NAV2: variants seen among roughly 807,000 people sequenced by gnomAD.
The protein encoded by NAV2 is neuron navigator 2.
Under a neutral mutation model 223.2 loss-of-function variants are expected in NAV2, and 54 were observed. The observed-to-expected ratio is 0.24, with a 90% CI of 0.19 to 0.30. NAV2 has a LOEUF of 0.30. Ranked by LOEUF, NAV2 falls within the 10% of genes least tolerant of loss-of-function variation. The pLI is 1.00. For synonymous variants in NAV2, 1,279 were observed against 1,239.3 expected, an observed-to-expected ratio of 1.03 and a Z score of -0.67; for missense variants, 2,806 against 3,147.5, an observed-to-expected ratio of 0.89 and a Z score of 2.60.
At chr11:20,088,711 T>C (rs2060618742) in intron 26 of NAV2, among the ~76,000 whole-genome samples, 1 of 152,304 alleles carries the variant, frequency 6.6e-6, no homozygotes, top group African/African-American at 2.4e-5. Context: ...GAAGGTATTT[T>C]CTCTCTTGCT....
intron 20 of NAV2, among the ~76,000 whole-genome samples, chr11:20,064,229 T>G (rs1564966024): frequency 6.6e-6 from 1 of 152,200 alleles, no homozygotes; most frequent in African/African-American, 2.4e-5. Flanking sequence ...CCAAGGCTGG[T>G]ACTTTCAAAC....
At chr11:20,051,357 C>T in intron 17 of NAV2, 24 bp downstream of exon 17, 2 of 1,610,800 alleles carry the variant, frequency 1.2e-6, no homozygotes, top group Non-Finnish European at 1.7e-6. Context: ...CTCCTTGCAT[C>T]TGTGCCATCT....
At chr11:19,597,093 T>C (rs1294389835) in intron 1 of NAV2, among the ~76,000 whole-genome samples, 1 of 152,242 alleles carries the variant, frequency 6.6e-6, no homozygotes, top group Non-Finnish European at 1.5e-5. Context: ...GGCTTCACTC[T>C]GCTCAGCAAC....
intron 1 of NAV2, among the ~76,000 whole-genome samples, chr11:19,783,613 C>T (rs1490898415): frequency 1.3e-5 from 2 of 152,172 alleles, no homozygotes; most frequent in African/African-American, 4.8e-5. Context: ...TGAACAGTGG[C>T]TTCATGCATA....
chr11:19,449,084 C>T (rs574501488), intron 1 of NAV2, among the ~76,000 whole-genome samples: 2 of 152,090 alleles, frequency 1.3e-5, no homozygotes, highest in South Asian at 2.1e-4. Context: ...TGAAATTGAG[C>T]GATTATTTTT....
chr11:19,865,771 A>AT (rs200030158), intron 3 of NAV2, among the ~76,000 whole-genome samples: 4,265 of 150,536 alleles, frequency 0.028, 203 homozygotes, highest in African/African-American at 0.1. Flanking sequence ...GGCTCCCTGT[A>AT]TTTCATCTCT....
At chr11:19,760,855 G>T (rs546276287) in intron 1 of NAV2, among the ~76,000 whole-genome samples, 211 of 152,326 alleles carry the variant, frequency 1.4e-3, no homozygotes, top group Admixed American at 4.0e-3. Flanking sequence ...AGCAATATTT[G>T]CTTGTGAGTT....
intron 1 of NAV2, among the ~76,000 whole-genome samples, chr11:19,374,201 TATGTATCA>T (rs1848564346): frequency 6.6e-6 from 1 of 152,178 alleles, no homozygotes; most frequent in Non-Finnish European, 1.5e-5. Context: ...TGTTTTTCAC[TATGTATCA>T]ATGAACTTGG....
intron 1 of NAV2, among the ~76,000 whole-genome samples, chr11:19,660,994 T>C (rs1017077716): frequency 1.3e-5 from 2 of 152,220 alleles, no homozygotes; most frequent in African/African-American, 4.8e-5. Context: ...TTCAGTGGCA[T>C]GAAGTACATT....
chr11:19,612,542 A>T (rs955203119), intron 1 of NAV2, among the ~76,000 whole-genome samples: 2 of 152,182 alleles, frequency 1.3e-5, no homozygotes, highest in Non-Finnish European at 2.9e-5. Flanking sequence ...ACCCTAAATC[A>T]TCTCTCTCAA....
chr11:20,027,283 A>G (rs1259864355), intron 11 of NAV2: 14 of 984,654 alleles, frequency 1.4e-5, no homozygotes, highest in Non-Finnish European at 1.6e-5. Context: ...ATCCACACCA[A>G]AGGATCTCGT....
chr11:19,493,538 A>T (rs1457471996), intron 1 of NAV2, among the ~76,000 whole-genome samples: 1 of 152,224 alleles, frequency 6.6e-6, no homozygotes, highest in Non-Finnish European at 1.5e-5. Flanking sequence ...ATTATAAAAA[A>T]GCTCGGCATC....
chr11:19,658,465 C>T (rs10833147), intron 1 of NAV2, among the ~76,000 whole-genome samples: 110,083 of 152,054 alleles, frequency 0.72, 44,843 homozygotes, highest in Non-Finnish European at 0.9. Flanking sequence ...AAAATGCTGA[C>T]GGGGTCTTTG....
At chr11:19,927,424 A>G (rs1163859781) in intron 6 of NAV2, among the ~76,000 whole-genome samples, 2 of 152,230 alleles carry the variant, frequency 1.3e-5, no homozygotes, top group Non-Finnish European at 2.9e-5. Context: ...TCTACTAAGA[A>G]TACAAAAATT....
At chr11:19,892,010 G>C (rs944435681) in intron 5 of NAV2, among the ~76,000 whole-genome samples, 4 of 152,134 alleles carry the variant, frequency 2.6e-5, no homozygotes, top group African/African-American at 9.7e-5. Flanking sequence ...CCAGGCTGGA[G>C]TGCAATGGCG....
At chr11:19,366,463 A>G (rs1848285115) in intron 1 of NAV2, among the ~76,000 whole-genome samples, 1 of 152,140 alleles carries the variant, frequency 6.6e-6, no homozygotes, top group Non-Finnish European at 1.5e-5. Flanking sequence ...GCTAGTTTGC[A>G]GATGAAGGGT....
chr11:19,615,826 G>A (rs7101427), intron 1 of NAV2, among the ~76,000 whole-genome samples: 2,065 of 152,280 alleles, frequency 0.014, 49 homozygotes, highest in African/African-American at 0.047. Flanking sequence ...CTGAATCTTA[G>A]CAAAGCAACC....
intron 10 of NAV2, among the ~76,000 whole-genome samples, chr11:19,983,872 A>G (rs1194290723): frequency 6.6e-6 from 1 of 152,164 alleles, no homozygotes; most frequent in Non-Finnish European, 1.5e-5. Flanking sequence ...CGTCGTAGGT[A>G]CCTGTGAGTT....
chr11:19,493,844 T>C (rs2042708619), intron 1 of NAV2, among the ~76,000 whole-genome samples: 1 of 152,192 alleles, frequency 6.6e-6, no homozygotes, highest in Non-Finnish European at 1.5e-5. Flanking sequence ...CAATTCTCTA[T>C]TTGCAGTAAG....
Sources: gnomAD v4.1 joint callset for allele counts (sites outside exome capture counted in the v4.1 genomes callset) on GRCh38, gnomAD v4.1.1 for gene constraint, MANE v1.5 for transcripts, NCBI Gene and HGNC (gene_info 2026-07-23, HGNC 2026-07-21) for gene names.